Variants in MKI67 observed in about 807,000 individuals in gnomAD.
MKI67 encodes the protein marker of proliferation Ki-67.
Under a neutral mutation model 233.5 loss-of-function variants are expected in MKI67, and 152 were observed. That is an observed-to-expected ratio of 0.65 (90% confidence interval 0.57 to 0.74). MKI67 has a LOEUF of 0.74. Ranked by LOEUF, MKI67 falls within the 30% of genes least tolerant of loss-of-function variation. The probability of loss-of-function intolerance (pLI) is 0.00; values close to 1 mark genes in which losing one functional copy is unlikely to be tolerated. For synonymous variants in MKI67, 1,465 were observed against 1,418.5 expected (o/e 1.03, Z -0.74); for missense variants, 3,940 against 3,885.2 (o/e 1.01, Z -0.37).
At chr10:128,101,915 T>TA (rs1852345950) in intron 13 of MKI67, among the ~76,000 whole-genome samples, 2 of 152,198 alleles carry the variant, frequency 1.3e-5, no homozygotes, top group African/African-American at 4.8e-5. Flanking sequence ...GCTGACAAAT[T>TA]ATAAATAAGG....
rs555253942 is a variant in MKI67 at position 128,124,910 on chromosome 10, C to G, written c.92+666G>C. Among the ~76,000 whole-genome samples, 56 of 76,424 alleles carry G rather than the reference C, an allele frequency of 7.3e-4. 1 individual carries two copies. The highest frequency in any genetic ancestry group is 6.7e-3 in the Admixed American group (52 of 7,714). The allele number at this position is 76,424 out of a possible 152,430, so 50.1% of individuals were successfully genotyped here. A position where few individuals can be genotyped will look rare whatever the true frequency, so the allele number is the denominator to read the frequency against. On this transcript the variant is annotated intron_variant, in intron 2 of 14. Coordinates refer to ENST00000368654, the MANE Select transcript of MKI67 (RefSeq NM_002417.5). ...AAGGTAGGGGATGGGGTTGGGAGGA[C>G]AGGGTGAGGCCGGGATGGGGTTGGG...
rs772584201 is a variant in MKI67, at chr10:128,107,556, ATCC to A, written c.4281_4283del (p.Glu1427del). 6 of 1,613,840 alleles carry A rather than the reference ATCC, an allele frequency of 3.7e-6. No homozygotes were observed. In the African/African-American group the frequency reaches 8.0e-5, roughly 22 times the overall value. The stretch of plus-strand genomic sequence containing the variant: ...TTTCCCTAAACGCGTTGATGCTTTT[ATCC>A]TCACCTCCTGGTACTTTATCTGTGT... On this transcript the variant is annotated inframe_deletion, in exon 13 of 15. Coordinates refer to ENST00000368654, the MANE Select transcript of MKI67 (RefSeq NM_002417.5).
chr10:128,101,778 C>A, intron 13 of MKI67, 77 bp from the exon 14 acceptor site: 1 of 1,080,208 alleles, frequency 9.3e-7, no homozygotes, highest in Non-Finnish European at 1.3e-6. Context: ...GGAGCACAAT[C>A]AACAGTAACC....
Position 128,103,319 on chromosome 10 carries a change from G to A in MKI67, c.8521C>T (p.Arg2841Trp), listed in dbSNP as rs201086339. The A allele has an allele frequency of 4.0e-5, 65 of 1,614,166 alleles. No individual in the cohort carries two copies. In the East Asian group the frequency reaches 6.5e-4, roughly 16 times the overall value. Residue 2841 changes from arginine to tryptophan, a missense_variant, in exon 13 of 15, where the codon CGG becomes TGG. Physicochemically the swap from Arg to Trp is moderately radical, Grantham distance 101. Coordinates refer to ENST00000368654, the MANE Select transcript of MKI67 (RefSeq NM_002417.5). The stretch of plus-strand genomic sequence containing the variant: ...ACTTTCTGGGCACGTGTCCTGGGCC[G>A]TCTCTTTGAGCTTGTTGCGGTGTCT... The part of the protein sequence containing the change: ...LEDTATSSKR[R>W]PRTRAQKVEV...
intron 5 of MKI67, among the ~76,000 whole-genome samples, chr10:128,117,188 A>C (rs1852824696): frequency 6.6e-6 from 1 of 152,004 alleles, no homozygotes; most frequent in African/African-American, 2.4e-5. Context: ...ATTAAACATC[A>C]CCTATACTGA....
chr10:128,124,995 C>T (rs1853025385), intron 2 of MKI67, among the ~76,000 whole-genome samples: 1 of 152,062 alleles, frequency 6.6e-6, no homozygotes, highest in Admixed American at 6.6e-5. Context: ...GGAAATGACC[C>T]CCCTTCTCAG....
intron 5 of MKI67, among the ~76,000 whole-genome samples, chr10:128,117,199 A>G (rs943596079): frequency 6.6e-6 from 1 of 151,482 alleles, no homozygotes; most frequent in Non-Finnish European, 1.5e-5. Flanking sequence ...CCTATACTGA[A>G]GATCTGTAAC....
chr10:128,125,219 C>T lies in MKI67; in HGVS notation c.92+357G>A, dbSNP rs1853029295. On this transcript the variant is annotated intron_variant, in intron 2 of 14. Transcript: ENST00000368654. The surrounding 1 kb of genome is among the most constrained non-coding windows in gnomAD (Gnocchi z 5.3). ...GCTTCCTTCCTTCATTCTCTGTGTC[C>T]CCAGTGGCCAGGGATGCCCACTGTG... is the stretch of plus-strand genomic sequence containing the variant. Among the ~76,000 whole-genome samples the T allele has an allele frequency of 6.6e-6, 1 of 152,166 alleles. No individual in the cohort carries two copies. The highest frequency in any genetic ancestry group is 2.1e-4 in the South Asian group (1 of 4,820).
intron 11 of MKI67, among the ~76,000 whole-genome samples, chr10:128,111,155 C>T (rs1277031932): frequency 6.6e-6 from 1 of 152,206 alleles, no homozygotes; most frequent in Non-Finnish European, 1.5e-5. Context: ...CCACAATTTA[C>T]TGAGAGTGGG....
At position 128,113,452 on chromosome 10, in the gene MKI67, G is replaced by A. The variant is rs1852724593; in HGVS notation, c.1631C>T (p.Pro544Leu). The change falls in exon 8 of 15, where the codon CCA (proline) becomes CTA (leucine). Residue 544 changes from proline to leucine, a missense_variant. Pro to Leu is a moderately conservative substitution (Grantham distance 98, BLOSUM62 -3). Coordinates refer to ENST00000368654, the MANE Select transcript of MKI67 (RefSeq NM_002417.5). ...TKRKSLVMHTPPVLKKIIKEQ... is the reference protein window; with the variant it reads ...TKRKSLVMHTLPVLKKIIKEQ... ...CTTGATGATTTTCTTCAGGACAGGT[G>A]GAGTGTGCATTACCAGAGACTTTCT... 2.5e-6 allele frequency: 4 copies of A among 1,614,110 alleles called. No individual in the cohort carries two copies. Among genetic ancestry groups the A allele is most frequent in the Non-Finnish European group, 3.4e-6 (4 of 1,180,048 alleles).
rs748532648 is a variant in MKI67, at chr10:128,105,582, T to C, written c.6258A>G (p.Pro2086=). 2 of 1,614,226 alleles carry C rather than the reference T, an allele frequency of 1.2e-6. No homozygotes were observed. The highest frequency in any genetic ancestry group is 1.7e-6 in the Non-Finnish European group (2 of 1,180,034). ...CAGTTGTTGATTCCTCAGTGTGGTCTGGTGTCTGGAAGAGCTCTTTGAAGC... is the reference window on the plus strand; with the variant it reads ...CAGTTGTTGATTCCTCAGTGTGGTCCGGTGTCTGGAAGAGCTCTTTGAAGC... The part of the protein sequence containing the change: ...LAGFKELFQT[P]DHTEESTTDD... The change falls in exon 13 of 15, where the codon CCA becomes CCG. Residue 2086 remains proline (P), a synonymous_variant. Transcript: ENST00000368654.
rs541954885 is a variant in MKI67 at position 128,115,388 on chromosome 10, A to G, written c.1020T>C (p.Tyr340=). ...CAGGGGTCTTCATTTTAGCCGGCTC[A>G]TAGAGAGGAAAGCTGGCGCCCACAG... ...SKAVGASFPL[Y]EPAKMKTPVQ... The change falls in exon 7 of 15, where the codon TAT becomes TAC. Residue 340 remains tyrosine, a synonymous_variant. Coordinates refer to ENST00000368654, the MANE Select transcript of MKI67 (RefSeq NM_002417.5). 102 of 1,614,058 alleles carry G rather than the reference A, an allele frequency of 6.3e-5. No homozygotes were observed. The highest frequency in any genetic ancestry group is 4.0e-4 in the Admixed American group (24 of 60,000).
Position 128,104,353 on chromosome 10 carries a change from A to C in MKI67, c.7487T>G (p.Leu2496Arg). ...TGTCCGTGTGAGCTTGCTGACTGCT[A>C]GGGGCTCTTCTTTCATGTCCACTTT... ...LVKVDMKEEPLAVSKLTRTSG... is the reference protein window; with the variant it reads ...LVKVDMKEEPRAVSKLTRTSG... The change falls in exon 13 of 15, where the codon CTA becomes CGA. Residue 2496 changes from leucine (L) to arginine (R), a missense_variant. By Grantham distance (102) the Leu-to-Arg change is moderately radical. Transcript: ENST00000368654. 1 of 1,614,118 alleles carries C rather than the reference A, an allele frequency of 6.2e-7. No homozygotes were observed. The highest frequency in any genetic ancestry group is 8.5e-7 in the Non-Finnish European group (1 of 1,180,028).
Position 128,104,553 on chromosome 10 carries a change from T to C in MKI67, c.7287A>G (p.Glu2429=). 2 of 1,614,152 alleles carry C rather than the reference T, an allele frequency of 1.2e-6. No homozygotes were observed. The highest frequency in any genetic ancestry group is 4.5e-5 in the East Asian group (2 of 44,880). ...GSKRQPQTPK[E]KAEALEDLVG... Reference sequence around the variant, plus strand: ...CCAGGTCCTCTAGAGCCTCAGCCTTTTCCTTAGGAGTCTGTGGCTGTCTCT... The same window carrying C: ...CCAGGTCCTCTAGAGCCTCAGCCTTCTCCTTAGGAGTCTGTGGCTGTCTCT... The change falls in exon 13 of 15, where the codon GAA becomes GAG. Residue 2429 remains glutamate, a synonymous_variant. Coordinates refer to ENST00000368654, the MANE Select transcript of MKI67 (RefSeq NM_002417.5).
chr10:128,123,021 A>G (rs373569711), intron 3 of MKI67, 25 bp from the exon 4 acceptor site: 13 of 1,567,092 alleles, frequency 8.3e-6, no homozygotes, highest in Non-Finnish European at 1.1e-5. Flanking sequence ...AAGGGGAAAT[A>G]TGTAACTAAT....
At chr10:128,101,185 T>C (rs1439997648) in intron 14 of MKI67, 73 bp downstream of exon 14, 4 of 1,487,854 alleles carry the variant, frequency 2.7e-6, no homozygotes, top group East Asian at 2.3e-5. Context: ...TTTGTTTGCC[T>C]TTGCAACCTT....
In MKI67 at chr10:128,102,863, G is replaced by C; in HGVS notation, c.8977C>G (p.Pro2993Ala). The change falls in exon 13 of 15, where the codon CCA becomes GCA. Residue 2993 changes from proline to alanine, a missense_variant. By Grantham distance (27) the Pro-to-Ala change is conservative. Coordinates refer to ENST00000368654, the MANE Select transcript of MKI67 (RefSeq NM_002417.5). ...SQSKSNTSLP[P>A]LPFKRGGGKD... ...CCACCTCCCCTCTTGAAGGGCAGTG[G>C]GGGCAGGGAAGTGTTGCTTTTGCTT... The C allele has an allele frequency of 6.2e-7, 1 of 1,614,194 alleles. No homozygotes were observed. Among genetic ancestry groups the C allele is most frequent in the African/African-American group, 1.3e-5 (1 of 75,050 alleles).
chr10:128,109,833 C>T (rs971038984), intron 12 of MKI67, among the ~76,000 whole-genome samples: 32 of 152,212 alleles, frequency 2.1e-4, no homozygotes, highest in African/African-American at 7.2e-4. Flanking sequence ...GTCCATATTA[C>T]ACAGGAAATA....
chr10:128,122,948 AC>A lies in MKI67; in HGVS notation c.219del (p.Ser74LeufsTer9). 1 of 1,609,326 alleles carries A rather than the reference AC, an allele frequency of 6.2e-7. No individual in the cohort carries two copies. The highest frequency in any genetic ancestry group is 8.5e-7 in the Non-Finnish European group (1 of 1,176,436). On this transcript the variant is annotated frameshift_variant, in exon 4 of 15. Transcript: ENST00000368654. LOFTEE classifies it high-confidence loss of function. Reference sequence around the variant, plus strand: ...AGCCGTACAGGCTCATCAATAACAGACCCATTTACTTGTGTTGGATTTGTGG... The same window carrying A: ...AGCCGTACAGGCTCATCAATAACAGACCATTTACTTGTGTTGGATTTGTGG... ...FSSTNPTQVNGSVIDEPVRLK... is the reference protein window; with the variant it reads ...FSSTNPTQVNXSVIDEPVRLK...
Sources: gnomAD v4.1 joint callset for allele counts (sites outside exome capture counted in the v4.1 genomes callset) on GRCh38, gnomAD v4.1.1 for gene constraint, Gnocchi (gnomAD v3.1) non-coding constraint, MANE v1.5 for transcripts, NCBI Gene and HGNC (gene_info 2026-07-23, HGNC 2026-07-21) for gene names.